The following ADAM32 variants were observed in gnomAD, a reference collection of about 807,000 sequenced individuals.
ADAM32 encodes the protein disintegrin and metalloproteinase domain-containing protein 32.
ADAM32 carries 89 observed loss-of-function variants against 114.9 expected under a neutral mutation model. The ratio of observed to expected loss-of-function variants is 0.77; its 90% CI spans 0.65 to 0.92. ADAM32 has a LOEUF of 0.92. ADAM32 is among the 40% of genes least tolerant of loss of function. The pLI is 0.00. For synonymous variants in ADAM32, 285 were observed against 307.5 expected (o/e 0.93, Z 0.77); for missense variants, 870 against 932.8 (o/e 0.93, Z 0.88).
chr8:39,200,023 G>T (rs1158572046), intron 11 of ADAM32, among the ~76,000 whole-genome samples: 1 of 152,166 alleles, frequency 6.6e-6, no homozygotes, highest in African/African-American at 2.4e-5. Flanking sequence ...CTCTATCACT[G>T]ATGGACATTT....
intron 11 of ADAM32, among the ~76,000 whole-genome samples, chr8:39,205,093 C>T (rs866748787): frequency 2.1e-4 from 32 of 152,218 alleles, no homozygotes; most frequent in African/African-American, 7.5e-4. Context: ...CTTGAGGAGG[C>T]AGTCTGTCTG....
intron 14 of ADAM32, 127 bp from the exon 15 acceptor site, chr8:39,231,900 A>C (rs938716412): frequency 6.5e-6 from 5 of 764,004 alleles, no homozygotes; most frequent in Non-Finnish European, 8.5e-6. Context: ...CTTTCCTTAC[A>C]ACCTCACTAG....
At chr8:39,211,649 A>G (rs1051586158) in intron 12 of ADAM32, among the ~76,000 whole-genome samples, 3 of 152,190 alleles carry the variant, frequency 2.0e-5, no homozygotes, top group African/African-American at 4.8e-5. Flanking sequence ...CTTAATGAAG[A>G]TTGATTAAGC....
Position 39,275,998 on chromosome 8 carries a change from A to G in ADAM32, c.2279+132A>G, listed in dbSNP as rs576581038. The G allele has an allele frequency of 9.1e-4, 657 of 725,540 alleles. 9 individuals are homozygous for G. The highest frequency in any genetic ancestry group is 1.3e-3 in the Middle Eastern group (3 of 2,378). 44.9% of individuals were successfully genotyped at this position (725,540 alleles called of 1,614,324 possible). A position where few individuals can be genotyped will look rare whatever the true frequency, so the allele number is the denominator to read the frequency against. Reference sequence around the variant, plus strand: ...ACAATTAGTAAAGTACTGTACCTTAAAACAACCTATTTGCTGATCTAGTAA... The same window carrying G: ...ACAATTAGTAAAGTACTGTACCTTAGAACAACCTATTTGCTGATCTAGTAA... On this transcript the variant is annotated intron_variant, in intron 22 of 24. Coordinates refer to ENST00000379907, the MANE Select transcript of ADAM32 (RefSeq NM_145004.7).
At chr8:39,138,509 T>G (rs917591721) in intron 3 of ADAM32, among the ~76,000 whole-genome samples, 1 of 152,186 alleles carries the variant, frequency 6.6e-6, no homozygotes, top group Non-Finnish European at 1.5e-5. Flanking sequence ...AAACTCATCC[T>G]TTTTTATGGC....
In ADAM32 at chr8:39,160,978, C is replaced by G. The variant is rs1210490340; in HGVS notation, c.594+13C>G. The G allele has an allele frequency of 6.4e-7, 1 of 1,562,466 alleles. No homozygotes were observed. The highest frequency in any genetic ancestry group is 8.7e-7 in the Non-Finnish European group (1 of 1,154,228). Reference sequence around the variant, plus strand: ...GGACAAAACTTTGGTATGTGTTTTGCTTTTTCTTTGCTTTGAAATATTTGA... The same window carrying G: ...GGACAAAACTTTGGTATGTGTTTTGGTTTTTCTTTGCTTTGAAATATTTGA... On this transcript the variant is annotated intron_variant, in intron 7 of 24. Transcript: ENST00000379907.
In ADAM32 at chr8:39,254,866, C is replaced by T. The variant is rs556746996; in HGVS notation, c.2005+350C>T. On this transcript the variant is annotated intron_variant, in intron 18 of 24. Coordinates refer to ENST00000379907, the MANE Select transcript of ADAM32 (RefSeq NM_145004.7). Reference sequence around the variant, plus strand: ...GTAGTCTTTTATACCTCACCTACTCCTATCCTTCCCCTCAATACCCCAAAG... The same window carrying T: ...GTAGTCTTTTATACCTCACCTACTCTTATCCTTCCCCTCAATACCCCAAAG... Among the ~76,000 whole-genome samples the T allele has an allele frequency of 2.6e-5, 4 of 151,880 alleles. No homozygotes were observed. In the East Asian group the frequency reaches 7.7e-4, roughly 29 times the overall value.
chr8:39,223,574 T>G (rs567151964), intron 14 of ADAM32: 68 of 155,258 alleles, frequency 4.4e-4, no homozygotes, highest in African/African-American at 1.6e-3. Flanking sequence ...ATGTATACAT[T>G]GTGAAATATT....
chr8:39,227,426 G>C (rs367918123), intron 14 of ADAM32, among the ~76,000 whole-genome samples: 58 of 152,248 alleles, frequency 3.8e-4, no homozygotes, highest in African/African-American at 1.3e-3. Context: ...TCTGGAGGAC[G>C]GCCAGAGGAG....
chr8:39,107,835 T>A lies in ADAM32; in HGVS notation c.58+2T>A. Reference sequence around the variant, plus strand: ...GCGGCCTCCTGGCGTCAAGACCCGGTGAGCCAGCCCAGACCCTGACACTAG... The same window carrying A: ...GCGGCCTCCTGGCGTCAAGACCCGGAGAGCCAGCCCAGACCCTGACACTAG... On this transcript the variant is annotated splice_donor_variant, in intron 1 of 24. Coordinates refer to ENST00000379907, the MANE Select transcript of ADAM32 (RefSeq NM_145004.7). LOFTEE classifies it high-confidence loss of function. The A allele has an allele frequency of 6.5e-7, 1 of 1,544,654 alleles. No individual in the cohort carries two copies. Among genetic ancestry groups the A allele is most frequent in the Non-Finnish European group, 8.7e-7 (1 of 1,143,986 alleles).
intron 1 of ADAM32, 86 bp from the exon 2 acceptor site, chr8:39,118,000 C>G: frequency 1.1e-6 from 1 of 899,942 alleles, no homozygotes; most frequent in South Asian, 1.8e-5. Context: ...CATACCTGCA[C>G]AAGTAAACTT....
At chr8:39,145,035 A>G (rs1803415244) in intron 3 of ADAM32, among the ~76,000 whole-genome samples, 1 of 152,156 alleles carries the variant, frequency 6.6e-6, no homozygotes, top group South Asian at 2.1e-4. Flanking sequence ...GAAATTTTCC[A>G]AAAATGAAAT....
chr8:39,149,986 G>A, intron 5 of ADAM32, 119 bp downstream of exon 5: 1 of 628,274 alleles, frequency 1.6e-6, no homozygotes, highest in South Asian at 2.9e-5. Flanking sequence ...ATTATTTAAT[G>A]ATATCCCCCT....
intron 17 of ADAM32, among the ~76,000 whole-genome samples, chr8:39,248,184 C>G (rs1811052884): frequency 6.6e-6 from 1 of 152,018 alleles, no homozygotes; most frequent in Non-Finnish European, 1.5e-5. Context: ...TCTTTTGTGC[C>G]TCCATAGAAA....
intron 14 of ADAM32, among the ~76,000 whole-genome samples, chr8:39,229,594 G>T (rs930996134): frequency 2.0e-5 from 3 of 152,170 alleles, no homozygotes; most frequent in Non-Finnish European, 4.4e-5. Flanking sequence ...GCATTTAAAA[G>T]AGACAAAGAG....
chr8:39,251,403 C>G (rs1811298169), intron 17 of ADAM32, among the ~76,000 whole-genome samples: 1 of 151,558 alleles, frequency 6.6e-6, no homozygotes, highest in South Asian at 2.1e-4. Context: ...TTTTATAAGC[C>G]ATTTTAACTG....
chr8:39,210,778 ATTTG>A (rs1191283493), intron 11 of ADAM32, among the ~76,000 whole-genome samples: 2 of 152,262 alleles, frequency 1.3e-5, no homozygotes, highest in East Asian at 3.9e-4. Context: ...GCACATTATC[ATTTG>A]TTTAATAAAA....
chr8:39,207,813 G>A (rs1807949116), intron 11 of ADAM32, among the ~76,000 whole-genome samples: 2 of 152,108 alleles, frequency 1.3e-5, no homozygotes, highest in African/African-American at 2.4e-5. Flanking sequence ...ACACGTGAGT[G>A]TGATCATGAG....
intron 2 of ADAM32, among the ~76,000 whole-genome samples, chr8:39,125,879 T>C (rs377339537): frequency 1.3e-5 from 2 of 152,220 alleles, no homozygotes; most frequent in African/African-American, 4.8e-5. Flanking sequence ...TTTTTGCATA[T>C]GGTTTGCCAG....
Sources: allele counts gnomAD v4.1 joint callset (sites outside exome capture counted in the v4.1 genomes callset), GRCh38; gene constraint gnomAD v4.1.1; transcripts MANE v1.5; gene names NCBI Gene and HGNC (gene_info 2026-07-23, HGNC 2026-07-21).